Variants in STPG2 observed in about 807,000 individuals in gnomAD.
STPG2 encodes the protein sperm-tail PG-rich repeat-containing protein 2.
STPG2 carries 56 observed loss-of-function variants against 54.2 expected under a neutral mutation model. The observed-to-expected ratio is 1.03, with a 90% CI of 0.83 to 1.29. The LOEUF is 1.29. STPG2 is among the 50% of genes most tolerant of loss of function. The probability of loss-of-function intolerance (pLI) is 0.00; values close to 1 mark genes in which losing one functional copy is unlikely to be tolerated. For missense variants in STPG2, 596 were observed against 544.9 expected (o/e 1.09, Z -0.93); for synonymous variants, 200 against 181.8 (o/e 1.10, Z -0.81).
chr4:97,626,146 T>A (rs1734133228), intron 10 of STPG2, among the ~76,000 whole-genome samples: 2 of 152,312 alleles, frequency 1.3e-5, no homozygotes, highest in South Asian at 2.1e-4. Context: ...TGTCTTAATA[T>A]AAAATAATAT....
chr4:97,908,566 A>G lies in STPG2; in HGVS notation c.1044+35331T>C, dbSNP rs372736844. ...TGCTGCTATAAAGACACATGCACACATATGTTTATTGCAGCATTATTCACA... is the reference window on the plus strand; with the variant it reads ...TGCTGCTATAAAGACACATGCACACGTATGTTTATTGCAGCATTATTCACA... On this transcript the variant is annotated intron_variant, in intron 8 of 10. Coordinates refer to ENST00000295268, the MANE Select transcript of STPG2 (RefSeq NM_174952.3). Among the ~76,000 whole-genome samples, 44 of 152,142 alleles carry G rather than the reference A, an allele frequency of 2.9e-4. No homozygotes were observed. The South Asian group carries it at 3.8e-3, about 13-fold the overall frequency.
intron 9 of STPG2, among the ~76,000 whole-genome samples, chr4:97,763,088 C>T (rs1725938228): frequency 6.6e-6 from 1 of 152,134 alleles, no homozygotes; most frequent in East Asian, 1.9e-4. Context: ...TGATACTCTA[C>T]TATAATTCTC....
Position 97,962,959 on chromosome 4 carries a change from G to T in STPG2, c.933+9321C>A, listed in dbSNP as rs548652661. Among the ~76,000 whole-genome samples the T allele has an allele frequency of 3.9e-5, 6 of 152,160 alleles. No individual in the cohort carries two copies. The East Asian group carries it at 1.2e-3, about 30-fold the overall frequency. ...GTGGATCATGAGGTCAGGAGTTCGA[G>T]ATCAGCCTGACCAACATGGTGAAAC... On this transcript the variant is annotated intron_variant, in intron 7 of 10. Transcript: ENST00000295268.
At chr4:97,879,695 T>A (rs1452968549) in intron 8 of STPG2, among the ~76,000 whole-genome samples, 1 of 152,042 alleles carries the variant, frequency 6.6e-6, no homozygotes, top group African/African-American at 2.4e-5. Flanking sequence ...TCACAGCCAA[T>A]AGATACATAT....
intron 5 of STPG2, among the ~76,000 whole-genome samples, chr4:98,089,796 G>T (rs1738631178): frequency 6.6e-6 from 1 of 151,446 alleles, no homozygotes; most frequent in African/African-American, 2.4e-5. Flanking sequence ...GTATTTCCCT[G>T]ATAATTAGCG....
At chr4:97,865,511 A>G (rs1407733591) in intron 8 of STPG2, among the ~76,000 whole-genome samples, 2 of 152,188 alleles carry the variant, frequency 1.3e-5, no homozygotes, top group Non-Finnish European at 2.9e-5. Context: ...TAGTTGAACC[A>G]TTGTGGAAGA....
chr4:97,946,964 T>A (rs557811973), intron 7 of STPG2, among the ~76,000 whole-genome samples: 1 of 152,280 alleles, frequency 6.6e-6, no homozygotes, highest in Admixed American at 6.5e-5. Context: ...TTGCATTGAA[T>A]CTGTCGATTG....
intron 5 of STPG2, among the ~76,000 whole-genome samples, chr4:98,086,331 G>T (rs957220487): frequency 2.6e-5 from 4 of 151,960 alleles, no homozygotes; most frequent in Non-Finnish European, 4.4e-5. Flanking sequence ...ACCAAAATCT[G>T]CCTTCCATAA....
chr4:97,482,234 A>G (rs1730239768), intron 4 of STPG2, among the ~76,000 whole-genome samples: 1 of 151,596 alleles, frequency 6.6e-6, no homozygotes, highest in South Asian at 2.1e-4. Flanking sequence ...TGATTTAAAC[A>G]GTTTTTGAAA....
chr4:97,516,414 C>G (rs538170541), intron 4 of STPG2, among the ~76,000 whole-genome samples: 248 of 152,132 alleles, frequency 1.6e-3, no homozygotes, highest in African/African-American at 5.7e-3. Flanking sequence ...GTCGCTTGTT[C>G]TTTCAATAGC....
chr4:97,957,557 G>C (rs1328365491), intron 7 of STPG2, among the ~76,000 whole-genome samples: 1 of 152,022 alleles, frequency 6.6e-6, no homozygotes, highest in Non-Finnish European at 1.5e-5. Context: ...CCAAATACAA[G>C]AAGCTGAAAA....
At chr4:97,555,833 T>C (rs1166610253), downstream of STPG2, among the ~76,000 whole-genome samples, 2 of 152,120 alleles carry the variant, frequency 1.3e-5, no homozygotes, top group African/African-American at 4.8e-5. Context: ...ATCTCATCTT[T>C]ATAAATAGAA....
chr4:97,957,170 A>ATGTGAAATATG (rs1424106892), intron 7 of STPG2, among the ~76,000 whole-genome samples: 1 of 151,372 alleles, frequency 6.6e-6, no homozygotes. Flanking sequence ...TGAAATATAT[A>ATGTGAAATATG]TGTGAAATAT....
chr4:97,639,721 C>T (rs192134034), intron 10 of STPG2, among the ~76,000 whole-genome samples: 9 of 151,884 alleles, frequency 5.9e-5, no homozygotes, highest in Admixed American at 1.3e-4. Flanking sequence ...TCTGTGACAG[C>T]GAATTTGGGA....
chr4:97,460,581 T>C (rs1196291574), intron 4 of STPG2, among the ~76,000 whole-genome samples: 1 of 152,324 alleles, frequency 6.6e-6, no homozygotes, highest in East Asian at 1.9e-4. Context: ...TCTTAAACTA[T>C]TCTTCATGTA....
intron 10 of STPG2, among the ~76,000 whole-genome samples, chr4:97,568,568 A>C (rs904270281): frequency 1.3e-5 from 2 of 152,142 alleles, no homozygotes; most frequent in African/African-American, 4.8e-5. Context: ...AGCAATGAGC[A>C]CATTTAGCAC....
chr4:97,900,471 T>C (rs759601486), intron 8 of STPG2, among the ~76,000 whole-genome samples: 3 of 151,882 alleles, frequency 2.0e-5, no homozygotes, highest in Non-Finnish European at 2.9e-5. Context: ...CAGATGCACA[T>C]GAATGAATCA....
chr4:97,677,080 A>C (rs1722874164), intron 10 of STPG2, among the ~76,000 whole-genome samples: 1 of 152,206 alleles, frequency 6.6e-6, no homozygotes, highest in Admixed American at 6.5e-5. Context: ...TGAGGTAAAA[A>C]AAATTAAAGT....
chr4:97,830,308 A>G (rs1728411388), intron 9 of STPG2, among the ~76,000 whole-genome samples: 1 of 152,194 alleles, frequency 6.6e-6, no homozygotes, highest in African/African-American at 2.4e-5. Context: ...AAAATCCATT[A>G]AAGACAATCA....
Sources: allele counts gnomAD v4.1 joint callset (sites outside exome capture counted in the v4.1 genomes callset), GRCh38; gene constraint gnomAD v4.1.1; transcripts MANE v1.5; gene names NCBI Gene and HGNC (gene_info 2026-07-23, HGNC 2026-07-21).